CDYL: variants seen among roughly 807,000 people sequenced by gnomAD.
CDYL encodes chromodomain Y like, also known as chromodomain Y-like protein.
CDYL carries 8 observed loss-of-function variants against 47.3 expected under a neutral mutation model. The ratio of observed to expected loss-of-function variants is 0.17; its 90% CI spans 0.10 to 0.31. The LOEUF (loss-of-function observed/expected upper bound fraction) is 0.31. Among genes scored for constraint, CDYL ranks in the 10% least tolerant of loss-of-function variants. The pLI, the probability that CDYL is intolerant of heterozygous loss-of-function variation, is 1.00. For synonymous variants in CDYL, 266 were observed against 265.0 expected (o/e 1.00, Z -0.04); for missense variants, 471 against 701.4 (o/e 0.67, Z 3.71).
intron 1 of CDYL, among the ~76,000 whole-genome samples, chr6:4,849,733 T>C (rs1218828125): frequency 6.6e-6 from 1 of 150,564 alleles, no homozygotes; most frequent in African/African-American, 2.4e-5. Context: ...GTCAGAAAAT[T>C]CTTACTTCTT....
intron 1 of CDYL, among the ~76,000 whole-genome samples, chr6:4,801,132 A>C (rs561870026): frequency 6.6e-6 from 1 of 152,298 alleles, no homozygotes; most frequent in East Asian, 1.9e-4. Flanking sequence ...AGATGGCAGA[A>C]CCAAGCATCA....
chr6:4,839,444 T>C (rs1760423812), intron 1 of CDYL, among the ~76,000 whole-genome samples: 1 of 152,274 alleles, frequency 6.6e-6, no homozygotes, highest in Admixed American at 6.5e-5. Flanking sequence ...TCTATTTATC[T>C]TTGTTTTTGT....
At chr6:4,905,145 G>A (rs144622770) in intron 2 of CDYL, among the ~76,000 whole-genome samples, 5 of 152,300 alleles carry the variant, frequency 3.3e-5, no homozygotes, top group East Asian at 1.9e-4. Flanking sequence ...CACAGTGACC[G>A]TGTGTCCGTC....
chr6:4,892,746 T>C (rs1287052808), intron 2 of CDYL, among the ~76,000 whole-genome samples: 1 of 152,190 alleles, frequency 6.6e-6, no homozygotes, highest in East Asian at 1.9e-4. Context: ...TTCTTCTAAG[T>C]GTGGCCAGCA....
intron 1 of CDYL, among the ~76,000 whole-genome samples, chr6:4,815,760 T>C (rs1415946929): frequency 1.3e-5 from 2 of 151,274 alleles, no homozygotes; most frequent in Non-Finnish European, 2.9e-5. Context: ...GTTGGCACTT[T>C]CCATATTATA....
intron 3 of CDYL, among the ~76,000 whole-genome samples, chr6:4,737,621 C>CAA (rs1191132461): frequency 8.9e-6 from 1 of 112,190 alleles, no homozygotes; most frequent in Non-Finnish European, 1.9e-5. Flanking sequence ...AACTCCGTCT[C>CAA]AAAAAAAAAA....
chr6:4,819,774 C>T (rs1014883539), intron 1 of CDYL, among the ~76,000 whole-genome samples: 1 of 152,132 alleles, frequency 6.6e-6, no homozygotes, highest in African/African-American at 2.4e-5. Context: ...ATGGTCATAG[C>T]CAGGTTGGGG....
intron 3 of CDYL, among the ~76,000 whole-genome samples, chr6:4,759,836 G>T (rs1219494326): frequency 8.5e-6 from 1 of 117,156 alleles, no homozygotes; most frequent in Admixed American, 1.1e-4. Context: ...CCGAGATCAC[G>T]CCATTGCACT....
intron 1 of CDYL, among the ~76,000 whole-genome samples, chr6:4,781,768 C>G (rs1341054878): frequency 6.6e-6 from 1 of 152,126 alleles, no homozygotes; most frequent in Admixed American, 6.5e-5. Context: ...TCGCATTGTT[C>G]TGGTTCACAG....
At chr6:4,736,810 A>G (rs534676829) in intron 3 of CDYL, among the ~76,000 whole-genome samples, 59 of 152,326 alleles carry the variant, frequency 3.9e-4, no homozygotes, top group African/African-American at 1.3e-3. Flanking sequence ...TTTGCAAAAG[A>G]CAGTCTCAGA....
At chr6:4,830,834 A>T (rs1270267197) in intron 1 of CDYL, among the ~76,000 whole-genome samples, 2 of 142,162 alleles carry the variant, frequency 1.4e-5, no homozygotes, top group Non-Finnish European at 3.0e-5. Flanking sequence ...ATTCCCACCT[A>T]TGAGTGAGAA....
rs554543866 is a variant in CDYL at position 4,865,992 on chromosome 6, A to G, written c.25-25721A>G. ...TTATTTTAAAATACAAGAGACATTC[A>G]AATTTCTTTACACACTAGGCCAGAA... is the stretch of plus-strand genomic sequence containing the variant. On this transcript the variant is annotated intron_variant, in intron 1 of 6. Coordinates refer to ENST00000397588, the MANE Select transcript of CDYL (RefSeq NM_004824.4). 4.8e-4 allele frequency among the ~76,000 whole-genome samples: 73 copies of G among 152,204 alleles called. 1 individual carries two copies. Among genetic ancestry groups the G allele is most frequent in the Non-Finnish European group, 9.6e-4 (65 of 68,022 alleles).
At position 4,954,589 on chromosome 6, in the gene CDYL, A is replaced by T. The variant is rs545662859; in HGVS notation, c.*533A>T. 3 of 152,760 alleles carry T rather than the reference A, an allele frequency of 2.0e-5. No homozygotes were observed. The South Asian group carries it at 6.2e-4, about 32-fold the overall frequency. 9.5% of individuals were successfully genotyped at this position (152,760 alleles called of 1,614,324 possible). A position where few individuals can be genotyped will look rare whatever the true frequency, so the allele number is the denominator to read the frequency against. ...GATTCGGGAAACTCAAAATCAAAAG[A>T]CTTAGCTTCTAGGATAAATACTTCT... On this transcript the variant is annotated 3_prime_UTR_variant, in exon 7 of 7. Transcript: ENST00000397588.
At chr6:4,900,552 TG>T (rs919390338) in intron 2 of CDYL, among the ~76,000 whole-genome samples, 4 of 151,954 alleles carry the variant, frequency 2.6e-5, no homozygotes, top group Non-Finnish European at 5.9e-5. Flanking sequence ...ACACAAGGCC[TG>T]TAATTGATTT....
intron 3 of CDYL, among the ~76,000 whole-genome samples, chr6:4,765,565 C>T (rs1340878591): frequency 1.3e-5 from 2 of 150,974 alleles, no homozygotes; most frequent in South Asian, 2.1e-4. Context: ...TTTTTTGTTT[C>T]CCGTTTTTTT....
chr6:4,955,482 T>C lies in CDYL; in HGVS notation c.*1426T>C, dbSNP rs1006304588. 6.6e-6 allele frequency: 1 copy of C among 152,662 alleles called. No homozygotes were observed. The highest frequency in any genetic ancestry group is 2.4e-5 in the African/African-American group (1 of 41,444). 9.5% of individuals were successfully genotyped at this position (152,662 alleles called of 1,614,324 possible). ...TATATAAACTGTACAATCTGTAAAG[T>C]TTTTATAGAATAAATATTCAGCTGT... On this transcript the variant is annotated 3_prime_UTR_variant, in exon 7 of 7. Transcript: ENST00000397588.
chr6:4,930,172 G>A (rs1004676693), intron 2 of CDYL, among the ~76,000 whole-genome samples: 1 of 152,146 alleles, frequency 6.6e-6, no homozygotes, highest in Admixed American at 6.5e-5. Flanking sequence ...CCGGCCCTAG[G>A]CAGACTTGAG....
intron 1 of CDYL, among the ~76,000 whole-genome samples, chr6:4,804,993 C>T (rs1036999169): frequency 6.6e-6 from 1 of 152,110 alleles, no homozygotes; most frequent in African/African-American, 2.4e-5. Context: ...TTCATAGTAG[C>T]TGCATGGTTA....
chr6:4,823,966 A>G (rs1561655173), intron 1 of CDYL, among the ~76,000 whole-genome samples: 3 of 152,208 alleles, frequency 2.0e-5, no homozygotes, highest in Admixed American at 1.3e-4. Flanking sequence ...GATATTTGAT[A>G]TAAGGGAGAT....
Sources: allele counts gnomAD v4.1 joint callset (sites outside exome capture counted in the v4.1 genomes callset), GRCh38; gene constraint gnomAD v4.1.1; transcripts MANE v1.5; gene names NCBI Gene and HGNC (gene_info 2026-07-23, HGNC 2026-07-21).